The following SGMS1 variants were observed in gnomAD, a reference collection of about 807,000 sequenced individuals.
SGMS1 encodes the protein sphingomyelin synthase 1, also known as phosphatidylcholine:ceramide cholinephosphotransferase 1.
Under a neutral mutation model 46.2 loss-of-function variants are expected in SGMS1, and 13 were observed. The observed-to-expected ratio is 0.28, with a 90% CI of 0.18 to 0.45. SGMS1 has a LOEUF of 0.45. SGMS1 is among the 20% of genes least tolerant of loss of function. SGMS1 has a pLI of 1.00. For synonymous variants in SGMS1, 203 were observed against 187.8 expected, an observed-to-expected ratio of 1.08 and a Z score of -0.66; for missense variants, 324 against 519.9, an observed-to-expected ratio of 0.62 and a Z score of 3.66.
chr10:50,371,314 C>CATT (rs1848432930), intron 6 of SGMS1, among the ~76,000 whole-genome samples: 1 of 152,178 alleles, frequency 6.6e-6, no homozygotes, highest in East Asian at 1.9e-4. Context: ...GTTCAGGTGG[C>CATT]ATTACATTTC....
chr10:50,505,388 G>C (rs1370730942), intron 3 of SGMS1, among the ~76,000 whole-genome samples: 4 of 152,100 alleles, frequency 2.6e-5, no homozygotes, highest in Non-Finnish European at 5.9e-5. Context: ...CATTTTTCTA[G>C]CTGCTCTGTT....
chr10:50,390,642 G>GA (rs148620353), intron 6 of SGMS1, among the ~76,000 whole-genome samples: 7 of 151,192 alleles, frequency 4.6e-5, no homozygotes, highest in Non-Finnish European at 8.9e-5. Context: ...TGCCTCTTAA[G>GA]AAAAAAAAAT....
intron 3 of SGMS1, among the ~76,000 whole-genome samples, chr10:50,485,763 G>T (rs1263387774): frequency 6.6e-6 from 1 of 152,112 alleles, no homozygotes; most frequent in African/African-American, 2.4e-5. Flanking sequence ...AGCCAGGTGG[G>T]GTGGTGCACA....
At chr10:50,576,956 T>C (rs1316827304) in intron 2 of SGMS1, among the ~76,000 whole-genome samples, 1 of 152,226 alleles carries the variant, frequency 6.6e-6, no homozygotes, top group East Asian at 1.9e-4. Context: ...TATCCTGTCA[T>C]CTATAAATAC....
chr10:50,552,671 A>C (rs1245448596), intron 2 of SGMS1, among the ~76,000 whole-genome samples: 1 of 152,218 alleles, frequency 6.6e-6, no homozygotes, highest in Non-Finnish European at 1.5e-5. Context: ...TAGTAGGCTA[A>C]ATAGTGCCCC....
intron 2 of SGMS1, among the ~76,000 whole-genome samples, chr10:50,565,357 T>G (rs1838278867): frequency 6.6e-6 from 1 of 152,222 alleles, no homozygotes; most frequent in African/African-American, 2.4e-5. Flanking sequence ...TTCCTGCTGC[T>G]GTAAAAAAGA....
chr10:50,385,158 A>G (rs571831034), intron 6 of SGMS1, among the ~76,000 whole-genome samples: 1 of 152,278 alleles, frequency 6.6e-6, no homozygotes, highest in African/African-American at 2.4e-5. Flanking sequence ...ATGCCCCAGA[A>G]GTAATGTTGT....
chr10:50,319,301 C>A (rs1847402696), intron 8 of SGMS1, among the ~76,000 whole-genome samples: 1 of 152,122 alleles, frequency 6.6e-6, no homozygotes, highest in East Asian at 1.9e-4. Context: ...CTTCTCCTTT[C>A]TCTCACTTTT....
chr10:50,506,121 C>A (rs1286541715), intron 3 of SGMS1, among the ~76,000 whole-genome samples: 1 of 152,146 alleles, frequency 6.6e-6, no homozygotes, highest in Non-Finnish European at 1.5e-5. Context: ...AGAAGTCATT[C>A]CCCCAGAGTG....
intron 6 of SGMS1, among the ~76,000 whole-genome samples, chr10:50,361,612 A>G (rs1000968906): frequency 6.6e-6 from 1 of 152,216 alleles, no homozygotes; most frequent in Non-Finnish European, 1.5e-5. Flanking sequence ...TTGCTCTCTC[A>G]TTCATTATAT....
Position 50,343,878 on chromosome 10 carries a change from G to T in SGMS1, c.237C>A (p.Gly79=). 1 of 1,614,162 alleles carries T rather than the reference G, an allele frequency of 6.2e-7. No homozygotes were observed. The change falls in exon 7 of 11, where the codon GGC becomes GGA. Residue 79 remains glycine, a synonymous_variant. Coordinates refer to ENST00000361781, the MANE Select transcript of SGMS1 (RefSeq NM_147156.4). ...MEHHLEAHKN[G]HANGHLNIGV... is the part of the protein sequence containing the mutation. ...CAATGTTGAGGTGCCCATTGGCATGGCCGTTCTTGTGTGCTTCCAAATGGT... is the reference window on the plus strand; with the variant it reads ...CAATGTTGAGGTGCCCATTGGCATGTCCGTTCTTGTGTGCTTCCAAATGGT...
At chr10:50,353,777 C>T (rs1211786020) in intron 6 of SGMS1, among the ~76,000 whole-genome samples, 2 of 152,210 alleles carry the variant, frequency 1.3e-5, no homozygotes, top group Non-Finnish European at 2.9e-5. Flanking sequence ...AAATCACAAG[C>T]ATTCTTATAC....
At chr10:50,541,270 A>G (rs945431008) in intron 2 of SGMS1, among the ~76,000 whole-genome samples, 1 of 152,206 alleles carries the variant, frequency 6.6e-6, no homozygotes, top group Admixed American at 6.5e-5. Context: ...AGATGTTACC[A>G]TGTAAGTCTC....
intron 1 of SGMS1, among the ~76,000 whole-genome samples, chr10:50,617,109 C>T (rs1449650876): frequency 6.6e-6 from 1 of 151,980 alleles, no homozygotes; most frequent in Non-Finnish European, 1.5e-5. Context: ...TGATTGGTAT[C>T]AGTATGTCGC....
At chr10:50,505,964 T>C (rs984852527) in intron 3 of SGMS1, among the ~76,000 whole-genome samples, 11 of 152,184 alleles carry the variant, frequency 7.2e-5, no homozygotes, top group Non-Finnish European at 1.3e-4. Flanking sequence ...GCACCAGCCT[T>C]CTCCCAGTTG....
At chr10:50,598,078 C>CCCCCG (rs1300501844) in intron 1 of SGMS1, among the ~76,000 whole-genome samples, 1 of 150,724 alleles carries the variant, frequency 6.6e-6, no homozygotes, top group Non-Finnish European at 1.5e-5. Flanking sequence ...GTGCTCCCCT[C>CCCCCG]CCCCGCCCCG....
chr10:50,353,285 T>A (rs927981440), intron 6 of SGMS1, among the ~76,000 whole-genome samples: 1 of 152,280 alleles, frequency 6.6e-6, no homozygotes, highest in African/African-American at 2.4e-5. Flanking sequence ...TGGTTCAACA[T>A]ACGCAAATCA....
At chr10:50,422,741 C>A (rs2133598790) in intron 6 of SGMS1, among the ~76,000 whole-genome samples, 1 of 152,332 alleles carries the variant, frequency 6.6e-6, no homozygotes, top group South Asian at 2.1e-4. Flanking sequence ...CAAGACAATT[C>A]ATAAATCCTA....
chr10:50,451,357 A>G (rs1837107150), intron 5 of SGMS1, among the ~76,000 whole-genome samples: 1 of 152,220 alleles, frequency 6.6e-6, no homozygotes, highest in South Asian at 2.1e-4. Flanking sequence ...ACACACTACT[A>G]ACTTTCAAAA....
Sources: gnomAD v4.1 joint callset for allele counts (sites outside exome capture counted in the v4.1 genomes callset) on GRCh38, gnomAD v4.1.1 for gene constraint, MANE v1.5 for transcripts, NCBI Gene and HGNC (gene_info 2026-07-23, HGNC 2026-07-21) for gene names.